Variants in NUP210 observed in about 807,000 individuals in gnomAD.
The protein encoded by NUP210 is nuclear pore membrane glycoprotein 210.
NUP210 carries 151 observed loss-of-function variants against 196.0 expected under a neutral mutation model. The observed-to-expected ratio is 0.77, with a 90% confidence interval of 0.67 to 0.88. The LOEUF (loss-of-function observed/expected upper bound fraction) is 0.88. NUP210 is among the 40% of genes least tolerant of loss of function. The probability of loss-of-function intolerance (pLI) is 0.00; values close to 1 mark genes in which losing one functional copy is unlikely to be tolerated. For synonymous variants in NUP210, 1,070 were observed against 1,052.7 expected (o/e 1.02, Z -0.32); for missense variants, 2,314 against 2,493.7 (o/e 0.93, Z 1.53).
At chr3:13,368,894 G>A (rs1192145416) in intron 13 of NUP210, among the ~76,000 whole-genome samples, 1 of 152,176 alleles carries the variant, frequency 6.6e-6, no homozygotes, top group African/African-American at 2.4e-5. Context: ...ATGAACATGG[G>A]TGCACAAATA....
Position 13,319,995 on chromosome 3 carries a change from G to C in NUP210, c.5167-16C>G. On this transcript the variant is annotated splice_polypyrimidine_tract_variant and intron_variant, in intron 36 of 39. Transcript: ENST00000254508. The stretch of plus-strand genomic sequence containing the variant: ...CGGATTTCACCTGGAAGAGACATCA[G>C]AGCTGGGGGTGCACATTCTGCAGAG... 2 of 1,611,252 alleles carry C rather than the reference G, an allele frequency of 1.2e-6. No individual in the cohort carries two copies. The highest frequency in any genetic ancestry group is 1.7e-6 in the Non-Finnish European group (2 of 1,179,164).
At chr3:13,369,844 A>C (rs929858003) in intron 13 of NUP210, among the ~76,000 whole-genome samples, 13 of 152,210 alleles carry the variant, frequency 8.5e-5, no homozygotes, top group African/African-American at 3.1e-4. Flanking sequence ...GATGCCACCC[A>C]AGAGGGCAAG....
intron 28 of NUP210, among the ~76,000 whole-genome samples, chr3:13,333,263 C>T (rs1697073192): frequency 6.6e-6 from 1 of 152,250 alleles, no homozygotes; most frequent in South Asian, 2.1e-4. Context: ...TCAGATGTGT[C>T]CACCACCTGT....
At chr3:13,339,290 G>A (rs1356091823) in intron 25 of NUP210, among the ~76,000 whole-genome samples, 1 of 152,194 alleles carries the variant, frequency 6.6e-6, no homozygotes, top group African/African-American at 2.4e-5. Context: ...AGGGGACCTA[G>A]TTCTCATGAG....
chr3:13,347,503 T>C lies in NUP210; in HGVS notation c.2836-4200A>G, dbSNP rs1188056592. 1.1e-5 allele frequency: 2 copies of C among 179,710 alleles called. No individual in the cohort carries two copies. The highest frequency in any genetic ancestry group is 2.1e-5 in the Non-Finnish European group (2 of 93,450). 11.1% of individuals were successfully genotyped at this position (179,710 alleles called of 1,614,324 possible). ...CGTTCTGGGGCTGTGTGAGCAAAAT[T>C]CATCACGGCCCTGCACAGTCCATGT... On this transcript the variant is annotated intron_variant, in intron 20 of 39. Transcript: ENST00000254508. This position sits in a 1 kb window ranked among gnomAD's most constrained non-coding sequence, Gnocchi z 4.7.
intron 1 of NUP210, among the ~76,000 whole-genome samples, chr3:13,414,451 C>T (rs1465953368): frequency 6.6e-6 from 1 of 152,220 alleles, no homozygotes; most frequent in African/African-American, 2.4e-5. Flanking sequence ...GCCACAGCTA[C>T]AGACAGCCCT....
At chr3:13,403,333 G>A (rs996010002) in intron 1 of NUP210, among the ~76,000 whole-genome samples, 1 of 152,182 alleles carries the variant, frequency 6.6e-6, no homozygotes, top group Non-Finnish European at 1.5e-5. Context: ...GGTCATGCCT[G>A]CTGTCTTCCC....
intron 5 of NUP210, among the ~76,000 whole-genome samples, 199 bp downstream of exon 5, chr3:13,388,104 A>T (rs922889598): frequency 1.3e-5 from 2 of 152,128 alleles, no homozygotes; most frequent in Non-Finnish European, 2.9e-5. Context: ...TGGGGCCTCA[A>T]CCACCTTTCT....
intron 11 of NUP210, among the ~76,000 whole-genome samples, chr3:13,374,428 T>A (rs1469005293): frequency 6.6e-6 from 1 of 152,076 alleles, no homozygotes; most frequent in Non-Finnish European, 1.5e-5. Context: ...CTGTGGCCAC[T>A]TCCTCACTGA....
At position 13,336,769 on chromosome 3, in the gene NUP210, G is replaced by C; in HGVS notation, c.3684+18C>G. 6.2e-7 allele frequency: 1 copy of C among 1,611,314 alleles called. No individual in the cohort carries two copies. The highest frequency in any genetic ancestry group is 8.5e-7 in the Non-Finnish European group (1 of 1,178,828). ...GGACAGGGGTGGGAGGTGAGCTCTG[G>C]AGGGGGTGGTTACCTACCTCGTGGT... On this transcript the variant is annotated intron_variant, in intron 27 of 39. Transcript: ENST00000254508.
intron 9 of NUP210, among the ~76,000 whole-genome samples, chr3:13,376,744 CA>C (rs1211263880): frequency 3.3e-5 from 5 of 151,892 alleles, no homozygotes; most frequent in African/African-American, 7.3e-5. Context: ...CCAGTAAATA[CA>C]AAAAAAAGGA....
At chr3:13,355,497 G>A (rs527789676) in intron 16 of NUP210, among the ~76,000 whole-genome samples, 204 of 152,362 alleles carry the variant, frequency 1.3e-3, no homozygotes, top group Admixed American at 2.8e-3. Context: ...ATGGGCAAGA[G>A]GTGAGCTTGT....
rs1041751956 is a variant in NUP210 at position 13,347,110 on chromosome 3, G to A, written c.2836-3807C>T. 13 of 985,286 alleles carry A rather than the reference G, an allele frequency of 1.3e-5. No homozygotes were observed. Among genetic ancestry groups the A allele is most frequent in the African/African-American group, 8.7e-5 (5 of 57,218 alleles). 61.0% of individuals were successfully genotyped at this position (985,286 alleles called of 1,614,324 possible). A position where few individuals can be genotyped will look rare whatever the true frequency, so the allele number is the denominator to read the frequency against. ...CTCACCTGAACAATGGCCCCATGAC[G>A]GGCTGCGCCTCACAGGACCCAGGAG... is the stretch of plus-strand genomic sequence containing the variant. On this transcript the variant is annotated intron_variant, in intron 20 of 39. Coordinates refer to ENST00000254508, the MANE Select transcript of NUP210 (RefSeq NM_024923.4). The surrounding 1 kb of genome is among the most constrained non-coding windows in gnomAD (Gnocchi z 4.7).
In NUP210 at chr3:13,353,898, G is replaced by C. The variant is rs762043457; in HGVS notation, c.2521+17C>G. ...TCTGTTCTCCTGCCTGGGCCATCAG[G>C]CTTGTGCCCAGCTCACCGTGCAGCT... On this transcript the variant is annotated intron_variant, in intron 17 of 39. Transcript: ENST00000254508. The C allele has an allele frequency of 6.3e-6, 10 of 1,598,006 alleles. No homozygotes were observed. The highest frequency in any genetic ancestry group is 3.4e-5 in the South Asian group (3 of 88,498).
chr3:13,364,888 T>C (rs1476535807), intron 14 of NUP210, among the ~76,000 whole-genome samples: 4 of 152,126 alleles, frequency 2.6e-5, no homozygotes, highest in African/African-American at 9.7e-5. Flanking sequence ...CAGGCTTGCT[T>C]CCAATGAATG....
intron 13 of NUP210, among the ~76,000 whole-genome samples, chr3:13,368,161 C>G (rs887960576): frequency 6.6e-6 from 1 of 152,100 alleles, no homozygotes; most frequent in Non-Finnish European, 1.5e-5. Context: ...CTGCAACCTC[C>G]ACCTCCCAGG....
intron 1 of NUP210, among the ~76,000 whole-genome samples, chr3:13,407,993 G>A (rs1351144065): frequency 1.3e-5 from 2 of 152,108 alleles, no homozygotes; most frequent in Admixed American, 6.5e-5. Context: ...AAAATGCTGG[G>A]AGGGCCAGGG....
At chr3:13,337,431 C>G (rs1697261029) in intron 26 of NUP210, among the ~76,000 whole-genome samples, 1 of 152,254 alleles carries the variant, frequency 6.6e-6, no homozygotes, top group Non-Finnish European at 1.5e-5. Flanking sequence ...CACTTCCTAG[C>G]TGTGTGGCCC....
rs116008354 is a variant in NUP210 at position 13,414,628 on chromosome 3, C to T, written c.167+5432G>A. 1.8e-3 allele frequency among the ~76,000 whole-genome samples: 267 copies of T among 151,904 alleles called. 1 individual carries two copies. Among genetic ancestry groups the T allele is most frequent in the African/African-American group, 5.9e-3 (246 of 41,546 alleles). On this transcript the variant is annotated intron_variant, in intron 1 of 39. Transcript: ENST00000254508. ...TCCCAGCCCTGCTGCCCTGGCCAAA[C>T]GTGCTGCCTTTGCGCACTTCTGACA...
Sources: allele counts gnomAD v4.1 joint callset (sites outside exome capture counted in the v4.1 genomes callset), GRCh38; gene constraint gnomAD v4.1.1; non-coding constraint Gnocchi (gnomAD v3.1); transcripts MANE v1.5; gene names NCBI Gene and HGNC (gene_info 2026-07-23, HGNC 2026-07-21).